Variants in LAMA3 observed in about 807,000 individuals in gnomAD.
LAMA3 encodes laminin subunit alpha 3, also known as laminin subunit alpha-3.
In LAMA3, 281 loss-of-function variants were observed where a neutral mutation model predicts 402.0. The ratio of observed to expected loss-of-function variants is 0.70; its 90% CI spans 0.63 to 0.77. LAMA3 has a LOEUF of 0.77. LAMA3 is among the 30% of genes least tolerant of loss of function. The probability of loss-of-function intolerance (pLI) is 0.00; values close to 1 mark genes in which losing one functional copy is unlikely to be tolerated. For missense variants in LAMA3, 3,840 were observed against 4,215.5 expected (o/e 0.91, Z 2.47); for synonymous variants, 1,431 against 1,558.4 (o/e 0.92, Z 1.93).
At chr18:23,870,754 T>C (rs1329958343) in intron 37 of LAMA3, among the ~76,000 whole-genome samples, 1 of 152,252 alleles carries the variant, frequency 6.6e-6, no homozygotes, top group Non-Finnish European at 1.5e-5. Flanking sequence ...GAATACTTCA[T>C]GATTCCACTT....
At chr18:23,922,440 A>G (rs969167801) in intron 62 of LAMA3, among the ~76,000 whole-genome samples, 3 of 152,234 alleles carry the variant, frequency 2.0e-5, no homozygotes, top group Non-Finnish European at 4.4e-5. Context: ...GTCCTTATAC[A>G]TGTGGGCGTC....
In LAMA3 at chr18:23,749,527, T is replaced by C. The variant is rs745967000; in HGVS notation, c.665T>C (p.Val222Ala). 29 of 1,602,952 alleles carry C rather than the reference T, an allele frequency of 1.8e-5. No homozygotes were observed. The highest frequency in any genetic ancestry group is 2.5e-5 in the Non-Finnish European group (29 of 1,169,900). The change falls in exon 4 of 75, where the codon GTA becomes GCA. Residue 222 changes from valine to alanine, a missense_variant. Transcript: ENST00000313654. Reference sequence around the variant, plus strand: ...TGTGTTACTGAATATTCCCGTATTGTACCTTTGGAAAATGGTGAGGTAAGT... The same window carrying C: ...TGTGTTACTGAATATTCCCGTATTGCACCTTTGGAAAATGGTGAGGTAAGT... The part of the protein sequence containing the change: ...VLCVTEYSRI[V>A]PLENGEVVVS...
chr18:23,790,810 A>C (rs558325096), intron 12 of LAMA3, among the ~76,000 whole-genome samples: 12 of 152,028 alleles, frequency 7.9e-5, no homozygotes, highest in African/African-American at 2.2e-4. Flanking sequence ...ACTCTGTCTT[A>C]TTTTTTACCA....
Position 23,951,702 on chromosome 18 carries a change from A to C in LAMA3, c.9661A>C (p.Ser3221Arg). Reference sequence around the variant, plus strand: ...GTTCCAGGTCACGGCCTCTATGGACAGTGGGGCAGGTGGGACCTCAACGTC... The same window carrying C: ...GTTCCAGGTCACGGCCTCTATGGACCGTGGGGCAGGTGGGACCTCAACGTC... ...EAGKVTASMD[S>R]GAGGTSTSVT... The change falls in exon 73 of 75, where the codon AGT (serine) becomes CGT (arginine). Residue 3221 changes from serine (S) to arginine (R), a missense_variant. Ser to Arg is a moderately radical substitution (Grantham distance 110). This residue lies in a region of LAMA3 where 840 missense variants were observed against 981.9 expected (regional missense o/e 0.86). Coordinates refer to ENST00000313654, the MANE Select transcript of LAMA3 (RefSeq NM_198129.4). 1 of 1,613,980 alleles carries C rather than the reference A, an allele frequency of 6.2e-7. No individual in the cohort carries two copies. Among genetic ancestry groups the C allele is most frequent in the Non-Finnish European group, 8.5e-7 (1 of 1,179,934 alleles).
At position 23,890,125 on chromosome 18, in the gene LAMA3, C is replaced by T. The variant is rs377137540; in HGVS notation, c.5410+8C>T. ...GTCATCCCCTGACTGGAGGTAAGGCCGACCCACACCCCTGCTAACTTGCAT... is the reference window on the plus strand; with the variant it reads ...GTCATCCCCTGACTGGAGGTAAGGCTGACCCACACCCCTGCTAACTTGCAT... On this transcript the variant is annotated splice_region_variant and intron_variant, in intron 42 of 74. Transcript: ENST00000313654. 3.9e-4 allele frequency: 609 copies of T among 1,552,174 alleles called. 1 individual carries two copies. The highest frequency in any genetic ancestry group is 4.7e-4 in the Non-Finnish European group (533 of 1,123,678).
chr18:23,715,431 A>C (rs2061080504), intron 2 of LAMA3, among the ~76,000 whole-genome samples: 1 of 152,218 alleles, frequency 6.6e-6, no homozygotes, highest in South Asian at 2.1e-4. Context: ...GCCAGTGTGG[A>C]GATCACTGGT....
chr18:23,735,033 C>A (rs1213284343), intron 2 of LAMA3, among the ~76,000 whole-genome samples: 1 of 152,232 alleles, frequency 6.6e-6, no homozygotes, highest in Non-Finnish European at 1.5e-5. Flanking sequence ...ATACCTATTT[C>A]TCTTAGCTAA....
At chr18:23,793,268 G>A (rs915405514) in intron 12 of LAMA3, among the ~76,000 whole-genome samples, 7 of 152,000 alleles carry the variant, frequency 4.6e-5, no homozygotes, top group East Asian at 1.9e-4. Flanking sequence ...TGGACTGGTC[G>A]GTGTGCATTC....
chr18:23,715,570 A>C (rs2145919419), intron 2 of LAMA3, among the ~76,000 whole-genome samples: 1 of 152,346 alleles, frequency 6.6e-6, no homozygotes, highest in South Asian at 2.1e-4. Flanking sequence ...GAAATGGAGG[A>C]GAATCATTGA....
At chr18:23,802,089 C>T (rs1250935531) in intron 12 of LAMA3, among the ~76,000 whole-genome samples, 1 of 152,122 alleles carries the variant, frequency 6.6e-6, no homozygotes, top group East Asian at 1.9e-4. Context: ...AAAATGCTCC[C>T]GCATCCAGAA....
intron 38 of LAMA3, among the ~76,000 whole-genome samples, chr18:23,875,845 GC>G (rs1450854127): frequency 1.3e-5 from 2 of 152,098 alleles, no homozygotes; most frequent in African/African-American, 4.8e-5. Flanking sequence ...GAAGAGAGGA[GC>G]CCCTTCTCAT....
chr18:23,916,477 C>T, intron 59 of LAMA3, 74 bp from the exon 60 acceptor site: 3 of 1,533,436 alleles, frequency 2.0e-6, no homozygotes, highest in Non-Finnish European at 2.7e-6. Context: ...ATAGCAACAT[C>T]TTGTATTAAT....
chr18:23,912,115 T>C (rs1203827896), intron 55 of LAMA3, among the ~76,000 whole-genome samples: 23 of 140,076 alleles, frequency 1.6e-4, no homozygotes, highest in Admixed American at 1.6e-3. Context: ...TATATATCTA[T>C]ATAAAAACAT....
chr18:23,878,932 C>A lies in LAMA3; in HGVS notation c.5112+2525C>A, dbSNP rs541965244. 3.3e-5 allele frequency among the ~76,000 whole-genome samples: 5 copies of A among 151,730 alleles called. No individual in the cohort carries two copies. In the East Asian group the frequency reaches 7.8e-4, roughly 24 times the overall value. On this transcript the variant is annotated intron_variant, in intron 39 of 74. Transcript: ENST00000313654. ...GCCTCCTCCTATGTGCTGAGACCCC[C>A]ATCTCTCCCTCTTCTCATTGCCCCA...
intron 11 of LAMA3, among the ~76,000 whole-genome samples, chr18:23,778,522 G>T (rs1002448717): frequency 3.3e-5 from 5 of 152,292 alleles, no homozygotes; most frequent in African/African-American, 4.8e-5. Flanking sequence ...AAGATTCCAG[G>T]CCTCTGCGCT....
intron 13 of LAMA3, among the ~76,000 whole-genome samples, chr18:23,810,914 T>C (rs1033638253): frequency 6.6e-6 from 1 of 152,184 alleles, no homozygotes; most frequent in Non-Finnish European, 1.5e-5. Flanking sequence ...AGCACTGTAA[T>C]GTTTCTAACA....
intron 6 of LAMA3, among the ~76,000 whole-genome samples, chr18:23,756,939 C>T (rs1407555429): frequency 6.9e-6 from 1 of 145,226 alleles, no homozygotes; most frequent in African/African-American, 2.6e-5. Context: ...GCCCCCCACT[C>T]CCTTCCCCCG....
At chr18:23,820,951 G>A (rs778164612) in intron 19 of LAMA3, among the ~76,000 whole-genome samples, 24 of 152,018 alleles carry the variant, frequency 1.6e-4, no homozygotes, top group Non-Finnish European at 2.8e-4. Context: ...TGGTACCTAG[G>A]ATCTTAAGAC....
intron 62 of LAMA3, among the ~76,000 whole-genome samples, chr18:23,922,011 A>G (rs994467796): frequency 6.6e-6 from 1 of 152,230 alleles, no homozygotes; most frequent in Non-Finnish European, 1.5e-5. Flanking sequence ...GTGAAACAGT[A>G]TGTCTCCTTC....
Sources: allele counts gnomAD v4.1 joint callset (sites outside exome capture counted in the v4.1 genomes callset), GRCh38; gene constraint gnomAD v4.1.1; regional missense constraint gnomAD v4.1.1; transcripts MANE v1.5; gene names NCBI Gene and HGNC (gene_info 2026-07-23, HGNC 2026-07-21).